LRFN5: variants seen among roughly 807,000 people sequenced by gnomAD.
LRFN5 encodes the protein leucine rich repeat and fibronectin type III domain containing 5.
Under a neutral mutation model 45.6 loss-of-function variants are expected in LRFN5, and 24 were observed. That is an observed-to-expected ratio of 0.53 (90% CI 0.38 to 0.74). LRFN5 has a LOEUF of 0.74. LRFN5 is among the 30% of genes least tolerant of loss of function. The pLI is 0.00. For synonymous variants in LRFN5, 340 were observed against 313.8 expected (o/e 1.08, Z -0.88); for missense variants, 776 against 861.5 (o/e 0.90, Z 1.24).
At chr14:41,834,708 C>T (rs565742292) in intron 2 of LRFN5, among the ~76,000 whole-genome samples, 1 of 152,140 alleles carries the variant, frequency 6.6e-6, no homozygotes, top group East Asian at 1.9e-4. Flanking sequence ...GTTGCCCAGG[C>T]TGGAGTGCAG....
intron 1 of LRFN5, among the ~76,000 whole-genome samples, chr14:41,755,089 T>G (rs1029894658): frequency 6.6e-6 from 1 of 152,238 alleles, no homozygotes; most frequent in East Asian, 1.9e-4. Context: ...GTGAGTTTCT[T>G]AATCCTGAGT....
chr14:41,812,560 A>C (rs1475522145), intron 2 of LRFN5, among the ~76,000 whole-genome samples: 2 of 151,866 alleles, frequency 1.3e-5, no homozygotes, highest in South Asian at 2.1e-4. Flanking sequence ...GAAAACTTGC[A>C]GTTTTATTTT....
intron 4 of LRFN5, chr14:41,894,656 T>C (rs1337291099): frequency 1.0e-6 from 1 of 984,976 alleles, no homozygotes; most frequent in African/African-American, 1.7e-5. Context: ...AAAGTAAGTC[T>C]ACAGAAAAGG....
intron 1 of LRFN5, among the ~76,000 whole-genome samples, chr14:41,673,443 G>A (rs1215537311): frequency 6.9e-6 from 1 of 144,970 alleles, no homozygotes; most frequent in African/African-American, 2.6e-5. Flanking sequence ...CCGGGCGGGG[G>A]GGCTGACCCC....
intron 1 of LRFN5, among the ~76,000 whole-genome samples, chr14:41,692,494 C>T (rs1406323161): frequency 5.9e-5 from 9 of 151,860 alleles, no homozygotes. Flanking sequence ...ATACATGTGC[C>T]ATGTTGGTGT....
At chr14:41,767,428 T>G (rs897720708) in intron 2 of LRFN5, among the ~76,000 whole-genome samples, 2 of 152,158 alleles carry the variant, frequency 1.3e-5, no homozygotes, top group Non-Finnish European at 2.9e-5. Flanking sequence ...TGGAATACAA[T>G]TTCTCATTTT....
intron 1 of LRFN5, among the ~76,000 whole-genome samples, chr14:41,703,720 T>G (rs1485093779): frequency 1.3e-5 from 2 of 152,134 alleles, no homozygotes; most frequent in Admixed American, 6.6e-5. Flanking sequence ...GATCATTTCA[T>G]GGTAACCCTT....
At chr14:41,672,349 T>G (rs1881277612) in intron 1 of LRFN5, among the ~76,000 whole-genome samples, 1 of 152,224 alleles carries the variant, frequency 6.6e-6, no homozygotes, top group African/African-American at 2.4e-5. Flanking sequence ...CTTTATTTAT[T>G]AAAATTCTAT....
intron 1 of LRFN5, among the ~76,000 whole-genome samples, chr14:41,626,683 T>C (rs576132813): frequency 1.3e-5 from 2 of 152,228 alleles, no homozygotes; most frequent in South Asian, 2.1e-4. Context: ...GTTCACTATG[T>C]AGATTAATGA....
intron 4 of LRFN5, chr14:41,894,540 G>A: frequency 1.0e-6 from 1 of 957,780 alleles, no homozygotes; most frequent in African/African-American, 1.8e-5. Context: ...TATTTTAAGA[G>A]ATTAACAAAA....
chr14:41,837,554 A>G (rs569063991), intron 2 of LRFN5, among the ~76,000 whole-genome samples: 54 of 152,334 alleles, frequency 3.5e-4, no homozygotes, highest in African/African-American at 1.2e-3. Flanking sequence ...GGCCAAAATA[A>G]CAACCCACTT....
chr14:41,775,688 GA>G (rs1268552800), intron 2 of LRFN5, among the ~76,000 whole-genome samples: 6 of 151,794 alleles, frequency 4.0e-5, no homozygotes, highest in Non-Finnish European at 5.9e-5. Context: ...ATCCACAATT[GA>G]AAAAATGCAT....
chr14:41,848,646 A>G (rs1889154433), intron 2 of LRFN5, among the ~76,000 whole-genome samples: 1 of 152,076 alleles, frequency 6.6e-6, no homozygotes, highest in Non-Finnish European at 1.5e-5. Flanking sequence ...AAATTCTAAA[A>G]CACTTAGAGC....
At chr14:41,630,478 C>G (rs1054025539) in intron 1 of LRFN5, among the ~76,000 whole-genome samples, 10 of 152,084 alleles carry the variant, frequency 6.6e-5, no homozygotes, top group Admixed American at 3.3e-4. Context: ...GGATTACATT[C>G]TTCTCATTTG....
intron 2 of LRFN5, among the ~76,000 whole-genome samples, chr14:41,808,195 G>GA (rs1887587032): frequency 1.8e-5 from 2 of 109,264 alleles, no homozygotes; most frequent in Non-Finnish European, 1.9e-5. Flanking sequence ...AGAGGAAGTA[G>GA]AGGGAAGGAA....
At chr14:41,629,584 C>T (rs1888467171) in intron 1 of LRFN5, among the ~76,000 whole-genome samples, 1 of 152,166 alleles carries the variant, frequency 6.6e-6, no homozygotes, top group Non-Finnish European at 1.5e-5. Context: ...GTTTGTAGTT[C>T]TCTAAACGCA....
intron 2 of LRFN5, among the ~76,000 whole-genome samples, chr14:41,806,236 T>C (rs1216509332): frequency 6.6e-6 from 1 of 152,140 alleles, no homozygotes; most frequent in Non-Finnish European, 1.5e-5. Flanking sequence ...CTAAATTAGA[T>C]AGCTACATAT....
In LRFN5 at chr14:41,891,544, A is replaced by G. The variant is rs777032188; in HGVS notation, c.1680A>G (p.Gln560=). 1.2e-6 allele frequency: 2 copies of G among 1,614,154 alleles called. No individual in the cohort carries two copies. The highest frequency in any genetic ancestry group is 1.7e-6 in the Non-Finnish European group (2 of 1,180,032). ...IRYKVCNNNG[Q]HKVTKVSNVY... ...ATAAGGTTTGCAACAATAATGGGCA[A>G]CACAAGGTCACCAAGGTTAGCAATG... Residue 560 remains glutamine (Q), a synonymous_variant, in exon 4 of 6, where the codon CAA becomes CAG. Coordinates refer to ENST00000298119, the MANE Select transcript of LRFN5 (RefSeq NM_152447.5).
intron 1 of LRFN5, among the ~76,000 whole-genome samples, chr14:41,674,530 C>T (rs1486273426): frequency 8.6e-5 from 12 of 139,186 alleles, no homozygotes; most frequent in African/African-American, 2.2e-4. Flanking sequence ...CTCTCCAGGA[C>T]GGGGCGGCTG....
Sources: allele counts gnomAD v4.1 joint callset (sites outside exome capture counted in the v4.1 genomes callset), GRCh38; gene constraint gnomAD v4.1.1; transcripts MANE v1.5; gene names NCBI Gene and HGNC (gene_info 2026-07-23, HGNC 2026-07-21).